The following SAXO1 variants were observed in gnomAD, a reference collection of about 807,000 sequenced individuals.
The protein encoded by SAXO1 is stabilizer of axonemal microtubules 1.
Under a neutral mutation model 17.5 loss-of-function variants are expected in SAXO1, and 21 were observed. The ratio of observed to expected loss-of-function variants is 1.20; its 90% CI spans 0.85 to 1.72. The LOEUF (loss-of-function observed/expected upper bound fraction) is 1.72. Ranked by LOEUF, SAXO1 falls within the 40% of genes most tolerant of loss-of-function variation. The pLI, the probability that SAXO1 is intolerant of heterozygous loss-of-function variation, is 0.00. For synonymous variants in SAXO1, 274 were observed against 216.5 expected, an observed-to-expected ratio of 1.27 and a Z score of -2.33; for missense variants, 843 against 596.0, an observed-to-expected ratio of 1.41 and a Z score of -4.32.
rs2233800 is a variant in SAXO1, at chr9:19,049,059, T to C, written c.-158+150A>G. 0.086 allele frequency: 13,143 copies of C among 152,392 alleles called. 938 individuals carry two copies. Among genetic ancestry groups the C allele is most frequent in the African/African-American group, 0.19 (7,979 of 41,470 alleles). The allele number at this position is 152,392 out of a possible 1,614,324, so 9.4% of individuals were successfully genotyped here. On this transcript the variant is annotated intron_variant, in intron 1 of 3. Transcript: ENST00000542071. The surrounding 1 kb of genome is among the most constrained non-coding windows in gnomAD (Gnocchi z 5.4). ...GGGAGGCCTAAGCGGACTGGGAAGTTAGGCTTTCCCTCCACTTCACCAGTC... is the reference window on the plus strand; with the variant it reads ...GGGAGGCCTAAGCGGACTGGGAAGTCAGGCTTTCCCTCCACTTCACCAGTC...
chr9:19,008,958 T>A (rs544479986), intron 1 of SAXO1, among the ~76,000 whole-genome samples: 1 of 152,256 alleles, frequency 6.6e-6, no homozygotes, highest in South Asian at 2.1e-4. Flanking sequence ...TTGAAAGCAA[T>A]TGATCATCTG....
chr9:19,008,205 T>G (rs1834569679), intron 1 of SAXO1, among the ~76,000 whole-genome samples: 1 of 152,128 alleles, frequency 6.6e-6, no homozygotes. Flanking sequence ...CTTGAACTCC[T>G]AAGCTCAAGC....
chr9:18,988,661 T>A (rs1192669443), intron 1 of SAXO1, among the ~76,000 whole-genome samples: 5 of 152,246 alleles, frequency 3.3e-5, no homozygotes, highest in African/African-American at 9.6e-5. Context: ...ACTATATGCA[T>A]GCCCATTGTA....
chr9:18,982,635 A>G (rs969866824), intron 1 of SAXO1, among the ~76,000 whole-genome samples: 3 of 152,230 alleles, frequency 2.0e-5, no homozygotes, highest in Admixed American at 1.3e-4. Flanking sequence ...CAATAAGCTG[A>G]GGCTGACCAA....
At chr9:18,998,712 G>A (rs1834116947) in intron 1 of SAXO1, among the ~76,000 whole-genome samples, 1 of 152,270 alleles carries the variant, frequency 6.6e-6, no homozygotes, top group East Asian at 1.9e-4. Flanking sequence ...GGCACCCAGA[G>A]AGAAAGGTCA....
upstream of SAXO1, among the ~76,000 whole-genome samples, chr9:19,034,228 T>C (rs1563995776): frequency 1.3e-5 from 2 of 152,192 alleles, no homozygotes; most frequent in Non-Finnish European, 1.5e-5. Context: ...GTCAGAGGCA[T>C]CTTGGACTGC....
chr9:18,934,422 C>T (rs1276130282), intron 3 of SAXO1, among the ~76,000 whole-genome samples: 1 of 152,088 alleles, frequency 6.6e-6, no homozygotes, highest in Non-Finnish European at 1.5e-5. Context: ...TTTGCTGATT[C>T]TTATGCCAGC....
Position 18,928,529 on chromosome 9 carries a change from AC to A in SAXO1, c.947del (p.Gly316ValfsTer56), listed in dbSNP as rs1328850095. The A allele has an allele frequency of 6.2e-7, 1 of 1,613,560 alleles. No homozygotes were observed. The highest frequency in any genetic ancestry group is 1.1e-5 in the South Asian group (1 of 91,030). On this transcript the variant is annotated frameshift_variant, in exon 4 of 4. Transcript: ENST00000380534. LOFTEE classifies it low-confidence loss of function (END_TRUNC). ...TVQAHYTCPK[G>X]APAQSCRPAL... is the part of the protein sequence containing the mutation. ...CAGGTCGGCAGGACTGAGCTGGGGCACCCTTAGGGCATGTGTAATGGGCCTG... is the reference window on the plus strand; with the variant it reads ...CAGGTCGGCAGGACTGAGCTGGGGCACCTTAGGGCATGTGTAATGGGCCTG...
intron 1 of SAXO1, among the ~76,000 whole-genome samples, chr9:18,994,676 G>A (rs1745468788): frequency 1.3e-5 from 2 of 152,218 alleles, no homozygotes; most frequent in South Asian, 4.1e-4. Context: ...GCTCGGGTAA[G>A]CAGTCCTCCT....
chr9:19,027,102 G>C (rs1392673278), intron 1 of SAXO1: 1 of 922,486 alleles, frequency 1.1e-6, no homozygotes, highest in East Asian at 2.4e-5. Context: ...CAAAACCCTG[G>C]TGTACCTTGT....
intron 1 of SAXO1, among the ~76,000 whole-genome samples, chr9:18,963,038 C>T (rs1221480594): frequency 1.3e-5 from 2 of 152,154 alleles, no homozygotes; most frequent in African/African-American, 4.8e-5. Context: ...TTTCCCAACA[C>T]CATTTATTAA....
chr9:18,969,589 A>G (rs1333634084), intron 1 of SAXO1, among the ~76,000 whole-genome samples: 1 of 152,246 alleles, frequency 6.6e-6, no homozygotes, highest in East Asian at 1.9e-4. Context: ...AGTCCACAAT[A>G]TTAAAAAATG....
intron 3 of SAXO1, among the ~76,000 whole-genome samples, 173 bp from the exon 4 acceptor site, chr9:18,929,228 T>C (rs1470984431): frequency 6.6e-6 from 1 of 152,186 alleles, no homozygotes; most frequent in Non-Finnish European, 1.5e-5. Flanking sequence ...GTGTCAACTT[T>C]ATGGTACTTG....
chr9:18,974,401 T>C (rs1290407502), intron 1 of SAXO1, among the ~76,000 whole-genome samples: 2 of 152,250 alleles, frequency 1.3e-5, no homozygotes, highest in African/African-American at 2.4e-5. Context: ...TGTATCTATA[T>C]AGAAGCAACA....
upstream of SAXO1, among the ~76,000 whole-genome samples, chr9:19,034,626 C>T (rs1177658547): frequency 6.6e-6 from 1 of 152,132 alleles, no homozygotes; most frequent in Non-Finnish European, 1.5e-5. Flanking sequence ...CAGACAGGAG[C>T]AAAGCTTATT....
chr9:18,944,147 T>A (rs1017797169), intron 2 of SAXO1, among the ~76,000 whole-genome samples: 1 of 151,822 alleles, frequency 6.6e-6, no homozygotes, highest in Admixed American at 6.6e-5. Flanking sequence ...CCTTTGTAAG[T>A]GTTCCTCTAT....
chr9:19,013,370 T>C (rs554664845), intron 1 of SAXO1, among the ~76,000 whole-genome samples: 1 of 152,220 alleles, frequency 6.6e-6, no homozygotes, highest in African/African-American at 2.4e-5. Flanking sequence ...GATTGCCCTC[T>C]TGTGGGAAAT....
intron 1 of SAXO1, among the ~76,000 whole-genome samples, chr9:19,032,452 A>G (rs1166322611): frequency 6.6e-6 from 1 of 152,250 alleles, no homozygotes; most frequent in Non-Finnish European, 1.5e-5. Context: ...TACTTCTCTG[A>G]CAAAGTAACA....
At chr9:18,979,387 A>G (rs1409690525) in intron 1 of SAXO1, among the ~76,000 whole-genome samples, 1 of 152,232 alleles carries the variant, frequency 6.6e-6, no homozygotes, top group African/African-American at 2.4e-5. Flanking sequence ...CTTTGTGAGG[A>G]AATTTCACCA....
Sources: allele counts gnomAD v4.1 joint callset (sites outside exome capture counted in the v4.1 genomes callset), GRCh38; gene constraint gnomAD v4.1.1; non-coding constraint Gnocchi (gnomAD v3.1); transcripts MANE v1.5; gene names NCBI Gene and HGNC (gene_info 2026-07-23, HGNC 2026-07-21).